The following HOXC5 variants were observed in gnomAD, a reference collection of about 807,000 sequenced individuals.
HOXC5 encodes homeobox C5.
Under a neutral mutation model 20.1 loss-of-function variants are expected in HOXC5, and 19 were observed. The ratio of observed to expected loss-of-function variants is 0.94; its 90% CI spans 0.66 to 1.38. The LOEUF is 1.38. Ranked by LOEUF, HOXC5 falls within the 40% of genes most tolerant of loss-of-function variation. The pLI, the probability that HOXC5 is intolerant of heterozygous loss-of-function variation, is 0.00. For missense variants in HOXC5, 330 were observed against 300.1 expected (o/e 1.10, Z -0.74); for synonymous variants, 124 against 117.0 (o/e 1.06, Z -0.39).
the HOXC5 span, among the ~76,000 whole-genome samples, chr12:54,025,084 C>A: frequency 6.6e-6 from 1 of 152,336 alleles, no homozygotes; most frequent in Admixed American, 6.5e-5. Flanking sequence ...AGCAAGGAGA[C>A]CTGCAAGCCT....
the HOXC5 span, among the ~76,000 whole-genome samples, chr12:54,023,943 T>C: frequency 6.6e-6 from 1 of 152,202 alleles, no homozygotes; most frequent in East Asian, 1.9e-4. Context: ...TCTGATCCTT[T>C]GACTAGGAGT....
chr12:54,028,998 G>A (rs1232806803), upstream of HOXC5: 4 of 1,423,404 alleles, frequency 2.8e-6, no homozygotes, highest in Non-Finnish European at 3.8e-6. Context: ...AAGAACGGGC[G>A]GAGAGAGTTT....
chr12:54,028,938 C>T (rs772945356), upstream of HOXC5: 14 of 1,588,332 alleles, frequency 8.8e-6, no homozygotes, highest in Admixed American at 3.5e-5. Context: ...TTTACAGCTC[C>T]GAGATATAAA....
chr12:54,027,919 T>C, the HOXC5 span, among the ~76,000 whole-genome samples: 11 of 152,178 alleles, frequency 7.2e-5, no homozygotes, highest in East Asian at 2.1e-3. Flanking sequence ...TTTTAATTAT[T>C]GGTGAAAAAA....
upstream of HOXC5, chr12:54,029,700 C>G: frequency 6.2e-7 from 1 of 1,614,140 alleles, no homozygotes; most frequent in Non-Finnish European, 8.5e-7. Flanking sequence ...CAGATCTACT[C>G]GCGGTACCAG....
chr12:54,031,210 C>T (rs1940972621), upstream of HOXC5, among the ~76,000 whole-genome samples: 1 of 152,246 alleles, frequency 6.6e-6, no homozygotes, highest in Non-Finnish European at 1.5e-5. Flanking sequence ...ACTATCCAGG[C>T]ACCAGGGTCT....
upstream of HOXC5, among the ~76,000 whole-genome samples, chr12:54,031,147 C>A (rs1226993168): frequency 1.3e-5 from 2 of 152,262 alleles, no homozygotes; most frequent in South Asian, 4.1e-4. Context: ...CTGTGGCAGC[C>A]GGTGTCCTCG....
chr12:54,023,056 C>A, the HOXC5 span, among the ~76,000 whole-genome samples: 1 of 152,190 alleles, frequency 6.6e-6, no homozygotes, highest in Admixed American at 6.5e-5. Flanking sequence ...TTGCCCCCCT[C>A]AAGTGTCCCT....
chr12:54,027,328 G>A, the HOXC5 span, among the ~76,000 whole-genome samples: 1 of 152,186 alleles, frequency 6.6e-6, no homozygotes, highest in South Asian at 2.1e-4. Context: ...GTCCAGGGGC[G>A]CCTCCACTGG....
At chr12:54,017,284 T>G in the HOXC5 span, 1 of 152,184 alleles carries the variant, frequency 6.6e-6, no homozygotes, top group Non-Finnish European at 1.5e-5. Context: ...TTTTTGAATT[T>G]ATATAAAGTA....
intron 1 of HOXC5, 50 bp from the exon 2 acceptor site, chr12:54,034,228 G>A (rs754274057): frequency 9.2e-6 from 14 of 1,515,882 alleles, no homozygotes; most frequent in Admixed American, 5.0e-5. Context: ...ACGGGGGAAC[G>A]CTGCAAGCTA....
the HOXC5 span, among the ~76,000 whole-genome samples, chr12:54,026,454 TC>T: frequency 1.3e-5 from 2 of 152,340 alleles, no homozygotes; most frequent in East Asian, 3.9e-4. Flanking sequence ...ATGAGATAAC[TC>T]ATCTAAAATT....
chr12:54,035,022 A>G lies in HOXC5; in HGVS notation c.*530A>G, dbSNP rs1201956203. Reference sequence around the variant, plus strand: ...ATTTTCACTTATGAATGATTTGCATATGAAAGGAGAGCATCGGCCTAGGGC... The same window carrying G: ...ATTTTCACTTATGAATGATTTGCATGTGAAAGGAGAGCATCGGCCTAGGGC... On this transcript the variant is annotated 3_prime_UTR_variant, in exon 2 of 2. Transcript: ENST00000312492. 3 of 164,082 alleles carry G rather than the reference A, an allele frequency of 1.8e-5. No individual in the cohort carries two copies. Among genetic ancestry groups the G allele is most frequent in the African/African-American group, 7.2e-5 (3 of 41,648 alleles). The allele number at this position is 164,082 out of a possible 1,614,324, so 10.2% of individuals were successfully genotyped here. A position where few individuals can be genotyped will look rare whatever the true frequency, so the allele number is the denominator to read the frequency against.
Position 54,033,256 on chromosome 12 carries a change from T to G in HOXC5, c.134T>G (p.Leu45Ter), listed in dbSNP as rs774530116. 41 of 1,614,154 alleles carry G rather than the reference T, an allele frequency of 2.5e-5. No homozygotes were observed. In the African/African-American group the frequency reaches 5.3e-4, roughly 21 times the overall value. ...AGGTACTGCTACGGCGGATTGGACT[T>G]AAGCATCACTTTCCCACCGCCTGCG... ...ASRYCYGGLD[L>*]SITFPPPAPS... Residue 45 changes from leucine to a stop codon, truncating the protein, a stop_gained, in exon 1 of 2, where the codon TTA becomes TGA. Transcript: ENST00000312492. LOFTEE classifies it high-confidence loss of function.
chr12:54,034,036 C>A (rs752458105), intron 1 of HOXC5: 1 of 694,048 alleles, frequency 1.4e-6, no homozygotes, highest in South Asian at 1.5e-5. Context: ...CCTCTTCCCC[C>A]CAACCCCCCC....
upstream of HOXC5, among the ~76,000 whole-genome samples, chr12:54,029,174 G>A (rs1440105831): frequency 6.6e-6 from 1 of 152,198 alleles, no homozygotes; most frequent in Non-Finnish European, 1.5e-5. Context: ...CAGGGCAGGG[G>A]ATGAGGGGAG....
In HOXC5 at chr12:54,034,368, G is replaced by T. The variant is rs751860729; in HGVS notation, c.545G>T (p.Arg182Leu). ...KEFHFNRYLT[R>L]RRRIEIANNL... is the part of the protein sequence containing the mutation. Reference sequence around the variant, plus strand: ...TTCCACTTTAACCGCTACCTCACTCGCCGCAGGCGCATAGAGATCGCCAAC... The same window carrying T: ...TTCCACTTTAACCGCTACCTCACTCTCCGCAGGCGCATAGAGATCGCCAAC... Residue 182 changes from arginine (R) to leucine (L), a missense_variant, in exon 2 of 2, where the codon CGC becomes CTC. By Grantham distance (102) the Arg-to-Leu change is moderately radical (BLOSUM62 -2). Coordinates refer to ENST00000312492, the MANE Select transcript of HOXC5 (RefSeq NM_018953.4). 2 of 1,614,194 alleles carry T rather than the reference G, an allele frequency of 1.2e-6. No homozygotes were observed. The highest frequency in any genetic ancestry group is 1.7e-5 in the Admixed American group (1 of 60,036).
upstream of HOXC5, among the ~76,000 whole-genome samples, chr12:54,031,862 C>G (rs1213024623): frequency 6.6e-6 from 1 of 152,162 alleles, no homozygotes; most frequent in Non-Finnish European, 1.5e-5. Context: ...CCTGCCCTGC[C>G]CACCCCCCAG....
rs745951201 is a variant in HOXC5 at position 54,033,439 on chromosome 12, C to G, written c.317C>G (p.Pro106Arg). 3.1e-6 allele frequency: 5 copies of G among 1,601,412 alleles called. No individual in the cohort carries two copies. Among genetic ancestry groups the G allele is most frequent in the Non-Finnish European group, 4.3e-6 (5 of 1,175,058 alleles). ...PGMYSQKAAR[P>R]ALEERAKSSG... ...ATGTACAGTCAGAAGGCGGCTCGCC[C>G]GGCGCTGGAGGAGCGAGCTAAGAGC... Residue 106 changes from proline (P) to arginine (R), a missense_variant, in exon 1 of 2, where the codon CCG becomes CGG. Pro to Arg is a moderately radical substitution (Grantham distance 103). Coordinates refer to ENST00000312492, the MANE Select transcript of HOXC5 (RefSeq NM_018953.4).
Sources: gnomAD v4.1 joint callset for allele counts (sites outside exome capture counted in the v4.1 genomes callset) on GRCh38, gnomAD v4.1.1 for gene constraint, MANE v1.5 for transcripts, NCBI Gene and HGNC (gene_info 2026-07-23, HGNC 2026-07-21) for gene names.